FEM1B: variants seen among roughly 807,000 people sequenced by gnomAD.
FEM1B encodes protein fem-1 homolog B.
FEM1B carries 10 observed loss-of-function variants against 38.6 expected under a neutral mutation model. That is an observed-to-expected ratio of 0.26 (90% CI 0.16 to 0.44). The LOEUF (loss-of-function observed/expected upper bound fraction) is 0.44. FEM1B is among the 20% of genes least tolerant of loss of function. The pLI, the probability that FEM1B is intolerant of heterozygous loss-of-function variation, is 1.00. For missense variants in FEM1B, 471 were observed against 786.7 expected, an observed-to-expected ratio of 0.60 and a Z score of 4.80; for synonymous variants, 288 against 288.0, an observed-to-expected ratio of 1.00 and a Z score of 0.00.
At position 68,281,640 on chromosome 15, in the gene FEM1B, C is replaced by G. The variant is rs1020726728; in HGVS notation, c.248+2975C>G. Among the ~76,000 whole-genome samples the G allele has an allele frequency of 1.1e-4, 17 of 151,690 alleles. No individual in the cohort carries two copies. Among genetic ancestry groups the G allele is most frequent in the African/African-American group, 3.6e-4 (15 of 41,208 alleles). On this transcript the variant is annotated intron_variant, in intron 1 of 1. Transcript: ENST00000306917. The surrounding 1 kb of genome is among the most constrained non-coding windows in gnomAD (Gnocchi z 5.1). ...TCTTGTTCACTTTTTTTTTTTGAGA[C>G]GGAGTCTCGCTCTGTCGCCGGGGCT...
chr15:68,280,527 G>A lies in FEM1B; in HGVS notation c.248+1862G>A, dbSNP rs537602216. 6.6e-6 allele frequency among the ~76,000 whole-genome samples: 1 copy of A among 152,272 alleles called. No individual in the cohort carries two copies. The highest frequency in any genetic ancestry group is 1.9e-4 in the East Asian group (1 of 5,188). ...AAAGGAAGTGCTGTTTTATCCGGGGGGAATCTAGAAAGGCTTCACAGAGGA... is the reference window on the plus strand; with the variant it reads ...AAAGGAAGTGCTGTTTTATCCGGGGAGAATCTAGAAAGGCTTCACAGAGGA... On this transcript the variant is annotated intron_variant, in intron 1 of 1. Transcript: ENST00000306917. The surrounding 1 kb of genome is among the most constrained non-coding windows in gnomAD (Gnocchi z 4.2).
Position 68,290,399 on chromosome 15 carries a change from C to G in FEM1B, c.1041C>G (p.Ile347Met), listed in dbSNP as rs766357393. The G allele has an allele frequency of 6.2e-7, 1 of 1,614,154 alleles. No homozygotes were observed. The highest frequency in any genetic ancestry group is 8.5e-7 in the Non-Finnish European group (1 of 1,180,002). Reference sequence around the variant, plus strand: ...ACAATATTGATGTTTCTCATCCCATCATTTACAGAGGAGCTGTTTATGCGG... The same window carrying G: ...ACAATATTGATGTTTCTCATCCCATGATTTACAGAGGAGCTGTTTATGCGG... ...GADNIDVSHP[I>M]IYRGAVYADN... Residue 347 changes from isoleucine (I) to methionine (M), a missense_variant, in exon 2 of 2, where the codon ATC (isoleucine) becomes ATG (methionine). By Grantham distance (10) the Ile-to-Met change is conservative (BLOSUM62 1). This residue lies in a region of FEM1B where 380 missense variants were observed against 599.6 expected (regional missense o/e 0.63). Transcript: ENST00000306917. The surrounding 1 kb of genome is among the most constrained non-coding windows in gnomAD (Gnocchi z 9.7).
Position 68,278,324 on chromosome 15 carries a change from G to C in FEM1B, c.-94G>C. 3 of 1,474,192 alleles carry C rather than the reference G, an allele frequency of 2.0e-6. No homozygotes were observed. Among genetic ancestry groups the C allele is most frequent in the Non-Finnish European group, 2.7e-6 (3 of 1,102,018 alleles). 91.3% of individuals were successfully genotyped at this position (1,474,192 alleles called of 1,614,324 possible). Reference sequence around the variant, plus strand: ...GGCGCCCTGTTGAATGGGCTGTGAGGGCCCAGGTTTAAAGCGCTGGCGAAC... The same window carrying C: ...GGCGCCCTGTTGAATGGGCTGTGAGCGCCCAGGTTTAAAGCGCTGGCGAAC... On this transcript the variant is annotated 5_prime_UTR_variant, in exon 1 of 2. Transcript: ENST00000306917. The surrounding 1 kb of genome is among the most constrained non-coding windows in gnomAD (Gnocchi z 5.7).
chr15:68,278,391 A>G lies in FEM1B; in HGVS notation c.-27A>G, dbSNP rs776417687. 7 of 1,599,728 alleles carry G rather than the reference A, an allele frequency of 4.4e-6. No homozygotes were observed. The Admixed American group carries it at 1.2e-4, about 27-fold the overall frequency. ...CACGGCAGCTGCAGCGGTGGCGACC[A>G]AACGGGTGTTGGAGTTGGCGGCGGC... is the stretch of plus-strand genomic sequence containing the variant. On this transcript the variant is annotated 5_prime_UTR_variant, in exon 1 of 2. Coordinates refer to ENST00000306917, the MANE Select transcript of FEM1B (RefSeq NM_015322.5). The surrounding 1 kb of genome is among the most constrained non-coding windows in gnomAD (Gnocchi z 5.7).
At chr15:68,286,059 T>G (rs922372328) in intron 1 of FEM1B, among the ~76,000 whole-genome samples, 1 of 151,872 alleles carries the variant, frequency 6.6e-6, no homozygotes, top group Non-Finnish European at 1.5e-5. Flanking sequence ...CTAATTTTTG[T>G]ATGTACTGTG....
chr15:68,283,081 TTA>T (rs1567112953), intron 1 of FEM1B, among the ~76,000 whole-genome samples: 1 of 152,172 alleles, frequency 6.6e-6, no homozygotes, highest in African/African-American at 2.4e-5. Flanking sequence ...ATGGAAATTA[TTA>T]GACTATACCA....
Position 68,288,319 on chromosome 15 carries a change from G to C in FEM1B, c.249-1288G>C, listed in dbSNP as rs1892811240. 6.6e-6 allele frequency among the ~76,000 whole-genome samples: 1 copy of C among 152,200 alleles called. No individual in the cohort carries two copies. Among genetic ancestry groups the C allele is most frequent in the Non-Finnish European group, 1.5e-5 (1 of 68,036 alleles). On this transcript the variant is annotated intron_variant, in intron 1 of 1. Coordinates refer to ENST00000306917, the MANE Select transcript of FEM1B (RefSeq NM_015322.5). This position sits in a 1 kb window ranked among gnomAD's most constrained non-coding sequence, Gnocchi z 4.6. ...TTCCACTTCATGGGGGATATAATTT[G>C]ACCAGTGTTATAAGGTTGTATAGTG...
rs937739486 is a variant in FEM1B, at chr15:68,288,855, A to C, written c.249-752A>C. On this transcript the variant is annotated intron_variant, in intron 1 of 1. Coordinates refer to ENST00000306917, the MANE Select transcript of FEM1B (RefSeq NM_015322.5). The surrounding 1 kb of genome is among the most constrained non-coding windows in gnomAD (Gnocchi z 4.6). ...AGAAAAATGCACTAATTATAAATAT[A>C]TAAAAATTTCACAAAGTGAACATAT... 1.3e-5 allele frequency among the ~76,000 whole-genome samples: 2 copies of C among 152,230 alleles called. No homozygotes were observed. Among genetic ancestry groups the C allele is most frequent in the Admixed American group, 1.3e-4 (2 of 15,282 alleles).
At position 68,278,437 on chromosome 15, in the gene FEM1B, A is replaced by G. The variant is rs1283081390; in HGVS notation, c.20A>G (p.Tyr7Cys). The change falls in exon 1 of 2, where the codon TAT becomes TGT. Residue 7 changes from tyrosine (Y) to cysteine (C), a missense_variant. Physicochemically the swap from Tyr to Cys is radical, Grantham distance 194. Coordinates refer to ENST00000306917, the MANE Select transcript of FEM1B (RefSeq NM_015322.5). This position sits in a 1 kb window ranked among gnomAD's most constrained non-coding sequence, Gnocchi z 5.7. Reference protein sequence around the residue: MEGLAGYVYKAASEGKV... With the variant: MEGLAGCVYKAASEGKV... Reference sequence around the variant, plus strand: ...GCGGCCATGGAGGGCCTGGCTGGCTATGTATACAAGGCGGCCAGCGAGGGC... The same window carrying G: ...GCGGCCATGGAGGGCCTGGCTGGCTGTGTATACAAGGCGGCCAGCGAGGGC... 12 of 1,612,770 alleles carry G rather than the reference A, an allele frequency of 7.4e-6. No individual in the cohort carries two copies. The highest frequency in any genetic ancestry group is 2.7e-5 in the African/African-American group (2 of 75,050).
Position 68,288,846 on chromosome 15 carries a change from TATAA to T in FEM1B, c.249-757_249-754del, listed in dbSNP as rs1392088935. On this transcript the variant is annotated intron_variant, in intron 1 of 1. Coordinates refer to ENST00000306917, the MANE Select transcript of FEM1B (RefSeq NM_015322.5). This position sits in a 1 kb window ranked among gnomAD's most constrained non-coding sequence, Gnocchi z 4.6. ...GTAACTTAGAGAAAAATGCACTAAT[TATAA>T]ATATATAAAAATTTCACAAAGTGAA... 1.3e-5 allele frequency among the ~76,000 whole-genome samples: 2 copies of T among 152,144 alleles called. No homozygotes were observed. The highest frequency in any genetic ancestry group is 2.4e-5 in the African/African-American group (1 of 41,392).
Position 68,292,557 on chromosome 15 carries a change from T to C in FEM1B, c.*1315T>C, listed in dbSNP as rs1892858308. 6.6e-6 allele frequency: 1 copy of C among 152,112 alleles called. No individual in the cohort carries two copies. The highest frequency in any genetic ancestry group is 1.5e-5 in the Non-Finnish European group (1 of 67,982). The allele number at this position is 152,112 out of a possible 1,614,324, so 9.4% of individuals were successfully genotyped here. A position where few individuals can be genotyped will look rare whatever the true frequency, so the allele number is the denominator to read the frequency against. On this transcript the variant is annotated 3_prime_UTR_variant, in exon 2 of 2. Transcript: ENST00000306917. ...AAATGATAATGAAAGCAAAATTAGCTGTATCTGTAATTTTCTCTCTAGTGC... is the reference window on the plus strand; with the variant it reads ...AAATGATAATGAAAGCAAAATTAGCCGTATCTGTAATTTTCTCTCTAGTGC...
intron 1 of FEM1B, among the ~76,000 whole-genome samples, chr15:68,287,138 G>A (rs1278113320): frequency 6.6e-6 from 1 of 152,172 alleles, no homozygotes; most frequent in Non-Finnish European, 1.5e-5. Flanking sequence ...TGATCCGCCT[G>A]CTTTGGCCTC....
Position 68,281,806 on chromosome 15 carries a change from C to T in FEM1B, c.248+3141C>T, listed in dbSNP as rs1471667975. ...CTATTTTTTGTATTTTTAGTAGAGA[C>T]GGTTTCACCGTGTTAGCCAGGATGG... On this transcript the variant is annotated intron_variant, in intron 1 of 1. Coordinates refer to ENST00000306917, the MANE Select transcript of FEM1B (RefSeq NM_015322.5). The surrounding 1 kb of genome is among the most constrained non-coding windows in gnomAD (Gnocchi z 5.1). Among the ~76,000 whole-genome samples the T allele has an allele frequency of 1.3e-5, 2 of 152,028 alleles. No individual in the cohort carries two copies. The highest frequency in any genetic ancestry group is 2.4e-5 in the African/African-American group (1 of 41,346).
rs1892809732 is a variant in FEM1B at position 68,288,154 on chromosome 15, A to G, written c.249-1453A>G. On this transcript the variant is annotated intron_variant, in intron 1 of 1. Transcript: ENST00000306917. This position sits in a 1 kb window ranked among gnomAD's most constrained non-coding sequence, Gnocchi z 4.6. The stretch of plus-strand genomic sequence containing the variant: ...CTAACGCCTCTTGTGTGTGGTCCTT[A>G]ATTTCATTCACAAGTGGAGGAGCCC... Among the ~76,000 whole-genome samples the G allele has an allele frequency of 6.6e-6, 1 of 152,184 alleles. No homozygotes were observed. The highest frequency in any genetic ancestry group is 6.5e-5 in the Admixed American group (1 of 15,284).
At position 68,292,323 on chromosome 15, in the gene FEM1B, C is replaced by G. The variant is rs1031790410; in HGVS notation, c.*1081C>G. On this transcript the variant is annotated 3_prime_UTR_variant, in exon 2 of 2. Transcript: ENST00000306917. ...ATGATGAAAATAATTCTCAATGCCA[C>G]TTGAAAGGTAATTGTGTCTGAGAGC... 1 of 152,252 alleles carries G rather than the reference C, an allele frequency of 6.6e-6. No homozygotes were observed. Among genetic ancestry groups the G allele is most frequent in the African/African-American group, 2.4e-5 (1 of 41,556 alleles). 9.4% of individuals were successfully genotyped at this position (152,252 alleles called of 1,614,324 possible).
At chr15:68,282,110 A>G (rs2140242342) in intron 1 of FEM1B, among the ~76,000 whole-genome samples, 1 of 152,290 alleles carries the variant, frequency 6.6e-6, no homozygotes, top group East Asian at 1.9e-4. Flanking sequence ...GGGAGGTGTC[A>G]TATGACCATG....
In FEM1B at chr15:68,294,159, C is replaced by T. The variant is rs1169948020; in HGVS notation, c.*2917C>T. On this transcript the variant is annotated 3_prime_UTR_variant, in exon 2 of 2. Coordinates refer to ENST00000306917, the MANE Select transcript of FEM1B (RefSeq NM_015322.5). The surrounding 1 kb of genome is among the most constrained non-coding windows in gnomAD (Gnocchi z 4.4). Reference sequence around the variant, plus strand: ...GGAATGGGCGGCAAACCCATCCCCTCGATTGATAAAGAAGGGGAACATTTT... The same window carrying T: ...GGAATGGGCGGCAAACCCATCCCCTTGATTGATAAAGAAGGGGAACATTTT... 4 of 152,104 alleles carry T rather than the reference C, an allele frequency of 2.6e-5. No homozygotes were observed. The highest frequency in any genetic ancestry group is 1.3e-4 in the Admixed American group (2 of 15,262). The allele number at this position is 152,104 out of a possible 1,614,324, so 9.4% of individuals were successfully genotyped here.
In FEM1B at chr15:68,290,923, G is replaced by A; in HGVS notation, c.1565G>A (p.Gly522Asp). Reference sequence around the variant, plus strand: ...GTCACAAAGCTCCTGCTGGACTGTGGTGCTGAGGTGAATGCCGTGGACAAT... The same window carrying A: ...GTCACAAAGCTCCTGCTGGACTGTGATGCTGAGGTGAATGCCGTGGACAAT... The part of the protein sequence containing the change: ...ALVTKLLLDC[G>D]AEVNAVDNEG... Residue 522 changes from glycine (G) to aspartate (D), a missense_variant, in exon 2 of 2, where the codon GGT (glycine) becomes GAT (aspartate). By Grantham distance (94) the Gly-to-Asp change is moderately conservative (BLOSUM62 -1). Around this residue, in one of 3 missense-constraint regions of FEM1B, gnomAD observed 380 missense variants for 599.6 expected, o/e 0.63. Transcript: ENST00000306917. The surrounding 1 kb of genome is among the most constrained non-coding windows in gnomAD (Gnocchi z 9.7). The A allele has an allele frequency of 3.7e-6, 6 of 1,614,158 alleles. No homozygotes were observed. The highest frequency in any genetic ancestry group is 5.1e-6 in the Non-Finnish European group (6 of 1,180,034).
In FEM1B at chr15:68,289,974, C is replaced by A; in HGVS notation, c.616C>A (p.Leu206Met). The A allele has an allele frequency of 6.2e-7, 1 of 1,614,172 alleles. No individual in the cohort carries two copies. The highest frequency in any genetic ancestry group is 8.5e-7 in the Non-Finnish European group (1 of 1,180,036). ...TGGGCACATAGATATTGTGAAAGAG[C>A]TGATAAAATGGCGTGCTGCTATAGT... ...EAGHIDIVKELIKWRAAIVVN... is the reference protein window; with the variant it reads ...EAGHIDIVKEMIKWRAAIVVN... The change falls in exon 2 of 2, where the codon CTG becomes ATG. Residue 206 changes from leucine to methionine, a missense_variant. Transcript: ENST00000306917. This position sits in a 1 kb window ranked among gnomAD's most constrained non-coding sequence, Gnocchi z 6.9.
Sources: gnomAD v4.1 joint callset for allele counts (sites outside exome capture counted in the v4.1 genomes callset) on GRCh38, gnomAD v4.1.1 for gene constraint, gnomAD v4.1.1 regional missense constraint, Gnocchi (gnomAD v3.1) non-coding constraint, MANE v1.5 for transcripts, NCBI Gene and HGNC (gene_info 2026-07-23, HGNC 2026-07-21) for gene names.